PDE1A: variants seen among roughly 807,000 people sequenced by gnomAD.
PDE1A encodes phosphodiesterase 1A, also known as dual specificity calcium/calmodulin-dependent 3',5'-cyclic nucleotide phosphodiesterase 1A.
Under a neutral mutation model 61.7 loss-of-function variants are expected in PDE1A, and 35 were observed. The observed-to-expected ratio is 0.57, with a 90% CI of 0.43 to 0.75. The LOEUF is 0.75. Among genes scored for constraint, PDE1A ranks in the 30% least tolerant of loss-of-function variants. The pLI, the probability that PDE1A is intolerant of heterozygous loss-of-function variation, is 0.00. For missense variants in PDE1A, 597 were observed against 630.6 expected, an observed-to-expected ratio of 0.95 and a Z score of 0.57; for synonymous variants, 232 against 213.2, an observed-to-expected ratio of 1.09 and a Z score of -0.77.
At chr2:182,412,831 T>C (rs1312478936) in intron 1 of PDE1A, among the ~76,000 whole-genome samples, 1 of 152,192 alleles carries the variant, frequency 6.6e-6, no homozygotes, top group Non-Finnish European at 1.5e-5. Flanking sequence ...AAATAGGACA[T>C]GCATTAAACA....
At chr2:182,415,885 G>A (rs1702885030) in intron 1 of PDE1A, among the ~76,000 whole-genome samples, 1 of 152,112 alleles carries the variant, frequency 6.6e-6, no homozygotes, top group Non-Finnish European at 1.5e-5. Flanking sequence ...TCACTTCCTT[G>A]GCTACTGAGA....
intron 1 of PDE1A, among the ~76,000 whole-genome samples, chr2:182,394,564 C>T (rs564242432): frequency 1.5e-5 from 1 of 67,286 alleles, no homozygotes; most frequent in African/African-American, 6.7e-5. Flanking sequence ...CTGCTGGACA[C>T]TGGCTCGAGC....
intron 6 of PDE1A, among the ~76,000 whole-genome samples, chr2:182,228,284 G>C (rs1689296553): frequency 6.6e-6 from 1 of 152,068 alleles, no homozygotes; most frequent in African/African-American, 2.4e-5. Flanking sequence ...CAAACAGAAG[G>C]ACAATGGCTT....
chr2:182,152,828 A>G (rs996651706), intron 13 of PDE1A, among the ~76,000 whole-genome samples: 3 of 152,348 alleles, frequency 2.0e-5, no homozygotes, highest in South Asian at 2.1e-4. Flanking sequence ...AGGACTGCAC[A>G]CTAGGCAGAA....
chr2:182,330,866 T>A (rs951600904), intron 1 of PDE1A, among the ~76,000 whole-genome samples: 2 of 152,162 alleles, frequency 1.3e-5, no homozygotes, highest in Non-Finnish European at 2.9e-5. Context: ...ACAGCATCCC[T>A]TTCATTTCTG....
chr2:182,496,481 T>C (rs1160222757), intron 2 of PDE1A, among the ~76,000 whole-genome samples: 2 of 152,216 alleles, frequency 1.3e-5, no homozygotes, highest in African/African-American at 4.8e-5. Context: ...TCACAAACCG[T>C]TATTATGATA....
chr2:182,230,167 A>C, intron 5 of PDE1A, 21 bp from the exon 6 acceptor site: 2 of 1,602,066 alleles, frequency 1.2e-6, no homozygotes, highest in Non-Finnish European at 1.7e-6. Flanking sequence ...TAATAATTAT[A>C]ATTATATTTT....
the PDE1A span, among the ~76,000 whole-genome samples, chr2:182,631,654 G>A: frequency 6.6e-6 from 1 of 152,188 alleles, no homozygotes; most frequent in East Asian, 1.9e-4. Flanking sequence ...TCATATGATA[G>A]GATACTATAT....
At chr2:182,367,629 C>T (rs1238188652) in intron 1 of PDE1A, among the ~76,000 whole-genome samples, 1 of 151,966 alleles carries the variant, frequency 6.6e-6, no homozygotes, top group Non-Finnish European at 1.5e-5. Flanking sequence ...AAAGCCAATT[C>T]AAGCATGAAA....
At chr2:182,496,480 G>A (rs1026376915) in intron 2 of PDE1A, among the ~76,000 whole-genome samples, 1 of 152,170 alleles carries the variant, frequency 6.6e-6, no homozygotes, top group Admixed American at 6.5e-5. Flanking sequence ...GTCACAAACC[G>A]TTATTATGAT....
At chr2:182,689,308 C>T in the PDE1A span, among the ~76,000 whole-genome samples, 1 of 152,114 alleles carries the variant, frequency 6.6e-6, no homozygotes, top group Non-Finnish European at 1.5e-5. Flanking sequence ...CGTAAAAGAA[C>T]AGAAATTATA....
At chr2:182,401,394 C>T (rs1701991266) in intron 1 of PDE1A, among the ~76,000 whole-genome samples, 2 of 152,194 alleles carry the variant, frequency 1.3e-5, no homozygotes, top group Non-Finnish European at 2.9e-5. Context: ...CGTAATCCAT[C>T]ACATAAACAG....
chr2:182,564,969 A>G, the PDE1A span, among the ~76,000 whole-genome samples: 1 of 152,100 alleles, frequency 6.6e-6, no homozygotes, highest in Non-Finnish European at 1.5e-5. Context: ...TTTTTTTCAA[A>G]GTTTTCAACT....
At chr2:182,467,293 A>T (rs1686736800) in intron 2 of PDE1A, among the ~76,000 whole-genome samples, 1 of 151,904 alleles carries the variant, frequency 6.6e-6, no homozygotes, top group Non-Finnish European at 1.5e-5. Context: ...TATTACAAAC[A>T]ACTTTGTGCC....
the PDE1A span, among the ~76,000 whole-genome samples, chr2:182,650,505 T>G: frequency 4.6e-5 from 7 of 152,228 alleles, no homozygotes; most frequent in Non-Finnish European, 5.9e-5. Context: ...ATACATTTCA[T>G]GTGCATGGAA....
At chr2:182,174,569 G>A (rs1304753332) in intron 13 of PDE1A, among the ~76,000 whole-genome samples, 1 of 151,922 alleles carries the variant, frequency 6.6e-6, no homozygotes, top group African/African-American at 2.4e-5. Context: ...AAAAAGAAGG[G>A]CAAATTCACT....
chr2:182,222,820 T>A (rs183608715), intron 7 of PDE1A, among the ~76,000 whole-genome samples: 42 of 152,108 alleles, frequency 2.8e-4, no homozygotes, highest in Middle Eastern at 3.4e-3. Flanking sequence ...TTAACATATA[T>A]CTCCTTATTA....
intron 2 of PDE1A, among the ~76,000 whole-genome samples, chr2:182,472,281 C>A (rs1313832637): frequency 2.0e-5 from 3 of 151,804 alleles, no homozygotes; most frequent in Non-Finnish European, 4.4e-5. Context: ...CAGAACTATT[C>A]ACAAAAGCAA....
At chr2:182,202,989 G>T (rs951944089) in intron 8 of PDE1A, among the ~76,000 whole-genome samples, 2 of 152,162 alleles carry the variant, frequency 1.3e-5, no homozygotes, top group African/African-American at 4.8e-5. Flanking sequence ...TTTACTTAAA[G>T]ATGATATAAT....
Sources: gnomAD v4.1 joint callset for allele counts (sites outside exome capture counted in the v4.1 genomes callset) on GRCh38, gnomAD v4.1.1 for gene constraint, MANE v1.5 for transcripts, NCBI Gene and HGNC (gene_info 2026-07-23, HGNC 2026-07-21) for gene names.